SEPTIN8: variants seen among roughly 807,000 people sequenced by gnomAD.
SEPTIN8 encodes the protein septin 8, also known as septin-8.
A neutral mutation model predicts 53.1 loss-of-function variants in SEPTIN8; 22 were observed. That is an observed-to-expected ratio of 0.41 (90% CI 0.30 to 0.59). The LOEUF is 0.59. SEPTIN8 is among the 20% of genes least tolerant of loss of function. The pLI, the probability that SEPTIN8 is intolerant of heterozygous loss-of-function variation, is 0.24. For missense variants in SEPTIN8, 536 were observed against 638.7 expected (o/e 0.84, Z 1.73); for synonymous variants, 228 against 248.4 (o/e 0.92, Z 0.77).
At chr5:132,753,236 T>C (rs933040360) in intron 9 of SEPTIN8, 3 of 445,174 alleles carry the variant, frequency 6.7e-6, no homozygotes, top group Non-Finnish European at 1.2e-5. Context: ...AGCCAGGGAG[T>C]ATGAATGAAT....
rs1554112973 is a variant in SEPTIN8, at chr5:132,760,893, T to C, written c.1195A>G (p.Asn399Asp). Reference protein sequence around the residue: ...RELEEETNAFNRRKAAVEALQ... With the variant: ...RELEEETNAFDRRKAAVEALQ... ...GCCTCCACCGCAGCCTTCCGGCGATTGAAGGCGTTGGTCTCCTCCTCCAGT... is the reference window on the plus strand; with the variant it reads ...GCCTCCACCGCAGCCTTCCGGCGATCGAAGGCGTTGGTCTCCTCCTCCAGT... Residue 399 changes from asparagine to aspartate, a missense_variant, in exon 9 of 10, where the codon AAT becomes GAT. Around this residue, in one of 3 missense-constraint regions of SEPTIN8, gnomAD observed 133 missense variants for 157.4 expected, o/e 0.84. Coordinates refer to ENST00000378719, the MANE Select transcript of SEPTIN8 (RefSeq NM_001098811.2). This position sits in a 1 kb window ranked among gnomAD's most constrained non-coding sequence, Gnocchi z 5.2. 6.2e-7 allele frequency: 1 copy of C among 1,611,242 alleles called. No homozygotes were observed. Among genetic ancestry groups the C allele is most frequent in the Non-Finnish European group, 8.5e-7 (1 of 1,179,230 alleles).
At chr5:132,769,995 A>G (rs1180922846) in intron 1 of SEPTIN8, among the ~76,000 whole-genome samples, 1 of 43,030 alleles carries the variant, frequency 2.3e-5, no homozygotes, top group African/African-American at 1.0e-4. Flanking sequence ...ATATATATAT[A>G]TATATATATA....
In SEPTIN8 at chr5:132,760,961, A is replaced by AC; in HGVS notation, c.1126dup (p.Val376GlyfsTer71). The AC allele has an allele frequency of 1.3e-6, 2 of 1,589,936 alleles. No homozygotes were observed. Among genetic ancestry groups the AC allele is most frequent in the Non-Finnish European group, 1.7e-6 (2 of 1,169,214 alleles). ...CACCTTGCGCTTCTCCTCCTGGTGG[A>AC]CCCGCTTCAGGTGCTCAAACTTCTC... On this transcript the variant is annotated frameshift_variant, in exon 9 of 10. Coordinates refer to ENST00000378719, the MANE Select transcript of SEPTIN8 (RefSeq NM_001098811.2). LOFTEE classifies it high-confidence loss of function. The surrounding 1 kb of genome is among the most constrained non-coding windows in gnomAD (Gnocchi z 5.2).
At chr5:132,756,205 A>T (rs947652052) in intron 9 of SEPTIN8, 6 of 985,318 alleles carry the variant, frequency 6.1e-6, no homozygotes, top group African/African-American at 1.7e-5. Context: ...ACATTTACAC[A>T]TACACAAACA....
rs1157293529 is a variant in SEPTIN8, at chr5:132,760,866, G to A, written c.1222C>T (p.Leu408=). Residue 408 remains leucine, a synonymous_variant, in exon 9 of 10, where the codon CTG becomes TTG. Coordinates refer to ENST00000378719, the MANE Select transcript of SEPTIN8 (RefSeq NM_001098811.2). The surrounding 1 kb of genome is among the most constrained non-coding windows in gnomAD (Gnocchi z 5.2). ...GTGGCGTGCAAGGCCTGCGACTGCA[G>A]GGCCTCCACCGCAGCCTTCCGGCGA... ...FNRRKAAVEA[L]QSQALHATSQ... 6.2e-7 allele frequency: 1 copy of A among 1,613,714 alleles called. No homozygotes were observed. Among genetic ancestry groups the A allele is most frequent in the Non-Finnish European group, 8.5e-7 (1 of 1,179,954 alleles).
At chr5:132,766,380 G>A (rs1756598404) in intron 1 of SEPTIN8, among the ~76,000 whole-genome samples, 1 of 152,234 alleles carries the variant, frequency 6.6e-6, no homozygotes, top group South Asian at 2.1e-4. Context: ...CAGGCCCCGA[G>A]TGAGCTGGGG....
intron 3 of SEPTIN8, 46 bp downstream of exon 3, chr5:132,764,178 G>T (rs774646593): frequency 6.4e-7 from 1 of 1,566,172 alleles, no homozygotes; most frequent in Non-Finnish European, 8.7e-7. Context: ...GCCAATGTAG[G>T]TGGGGTGGGA....
chr5:132,751,192 C>A lies in SEPTIN8; in HGVS notation c.*824G>T. The A allele has an allele frequency of 2.0e-6, 1 of 510,528 alleles. No homozygotes were observed. Among genetic ancestry groups the A allele is most frequent in the Non-Finnish European group, 3.3e-6 (1 of 300,658 alleles). 31.6% of individuals were successfully genotyped at this position (510,528 alleles called of 1,614,324 possible). A position where few individuals can be genotyped will look rare whatever the true frequency, so the allele number is the denominator to read the frequency against. ...AATCCAACACAGTTCCACCAGACTC[C>A]CACTTCTAAAGGACATTAAATTAAC... On this transcript the variant is annotated 3_prime_UTR_variant, in exon 10 of 10. Coordinates refer to ENST00000378719, the MANE Select transcript of SEPTIN8 (RefSeq NM_001098811.2).
intron 1 of SEPTIN8, among the ~76,000 whole-genome samples, chr5:132,771,070 C>T (rs922356315): frequency 3.9e-5 from 6 of 152,298 alleles, no homozygotes; most frequent in South Asian, 4.1e-4. Flanking sequence ...CATTTTGTTA[C>T]GCAGCCCAGT....
intron 5 of SEPTIN8, 74 bp downstream of exon 5, chr5:132,762,410 T>G: frequency 6.9e-7 from 1 of 1,447,110 alleles, no homozygotes. Flanking sequence ...AAGAGTCTCC[T>G]GGGGCTGTGT....
chr5:132,753,225 A>G, intron 9 of SEPTIN8: 1 of 481,274 alleles, frequency 2.1e-6, no homozygotes, highest in Non-Finnish European at 3.8e-6. Context: ...TCTGGGCCTG[A>G]AGCCAGGGAG....
At chr5:132,764,200 G>T (rs1756327310) in intron 3 of SEPTIN8, 24 bp downstream of exon 3, 1 of 1,592,962 alleles carries the variant, frequency 6.3e-7, no homozygotes, top group African/African-American at 1.3e-5. Flanking sequence ...GAGGCTGGGT[G>T]GGGCCGCCCT....
At position 132,762,225 on chromosome 5, in the gene SEPTIN8, G is replaced by T. The variant is rs111447191; in HGVS notation, c.696+259C>A. ...CCCAAACCCTTAAGCCTGCTCAACT[G>T]CTTCCATTTCCAGGCTCCTCCATGA... On this transcript the variant is annotated intron_variant, in intron 5 of 9. Transcript: ENST00000378719. Among the ~76,000 whole-genome samples the T allele has an allele frequency of 2.6e-5, 4 of 152,318 alleles. No homozygotes were observed. The East Asian group carries it at 7.7e-4, about 29-fold the overall frequency.
chr5:132,762,657 A>AG lies in SEPTIN8; in HGVS notation c.535-13dup. The AG allele has an allele frequency of 6.2e-7, 1 of 1,614,026 alleles. No homozygotes were observed. Among genetic ancestry groups the AG allele is most frequent in the Admixed American group, 1.7e-5 (1 of 60,006 alleles). The stretch of plus-strand genomic sequence containing the variant: ...GGAATAATGTTCACCTGCCAGGATC[A>AG]GGGGAGGGGACAGCAGGCTGGTTGG... On this transcript the variant is annotated splice_polypyrimidine_tract_variant and intron_variant, in intron 4 of 9. Coordinates refer to ENST00000378719, the MANE Select transcript of SEPTIN8 (RefSeq NM_001098811.2).
At chr5:132,758,692 CTG>C in intron 9 of SEPTIN8, 1 of 1,601,306 alleles carries the variant, frequency 6.2e-7, no homozygotes, top group East Asian at 2.2e-5. Context: ...GCTGTAAACA[CTG>C]GAGTCTGTAC....
intron 2 of SEPTIN8, among the ~76,000 whole-genome samples, 160 bp from the exon 3 acceptor site, chr5:132,764,579 A>G (rs1330340571): frequency 6.6e-6 from 1 of 152,184 alleles, no homozygotes. Flanking sequence ...CCCATTCCCC[A>G]GGAACTATCT....
At chr5:132,769,810 C>T (rs1756985002) in intron 1 of SEPTIN8, among the ~76,000 whole-genome samples, 1 of 151,056 alleles carries the variant, frequency 6.6e-6, no homozygotes. Context: ...CTTGGCCAAG[C>T]GTGGGGGTTC....
rs1754893883 is a variant in SEPTIN8 at position 132,752,112 on chromosome 5, G to A, written c.1356C>T (p.Ala452=). The A allele has an allele frequency of 4.4e-6, 7 of 1,598,922 alleles. No homozygotes were observed. The South Asian group carries it at 6.8e-5, about 16-fold the overall frequency. ...LSSSKVMMTK[A]SVEPLNCSSW... is the part of the protein sequence containing the mutation. The stretch of plus-strand genomic sequence containing the variant: ...TGCTGCAGTTCAAGGGCTCCACACT[G>A]GCCTTGGTCATCATCACCTTAGAGC... The change falls in exon 10 of 10, where the codon GCC becomes GCT. Residue 452 remains alanine (A), a synonymous_variant. Coordinates refer to ENST00000378719, the MANE Select transcript of SEPTIN8 (RefSeq NM_001098811.2).
intron 4 of SEPTIN8, among the ~76,000 whole-genome samples, chr5:132,763,110 G>A (rs1756165481): frequency 6.6e-6 from 1 of 152,096 alleles, no homozygotes; most frequent in African/African-American, 2.4e-5. Context: ...TGAGATGGGA[G>A]GGCAGTCACG....
Sources: allele counts gnomAD v4.1 joint callset (sites outside exome capture counted in the v4.1 genomes callset), GRCh38; gene constraint gnomAD v4.1.1; regional missense constraint gnomAD v4.1.1; non-coding constraint Gnocchi (gnomAD v3.1); transcripts MANE v1.5; gene names NCBI Gene and HGNC (gene_info 2026-07-23, HGNC 2026-07-21).